The following NUMB variants were observed in gnomAD, a reference collection of about 807,000 sequenced individuals.
NUMB encodes the protein protein numb homolog.
A neutral mutation model predicts 59.7 loss-of-function variants in NUMB; 29 were observed. The observed-to-expected ratio is 0.49, with a 90% CI of 0.36 to 0.66. The LOEUF (loss-of-function observed/expected upper bound fraction) is 0.66, where lower values mean the gene tolerates loss of function less well. Among genes scored for constraint, NUMB ranks in the 30% least tolerant of loss-of-function variants. The pLI is 0.00. For synonymous variants in NUMB, 288 were observed against 288.2 expected, an observed-to-expected ratio of 1.00 and a Z score of 0.01; for missense variants, 723 against 822.0, an observed-to-expected ratio of 0.88 and a Z score of 1.47.
At chr14:73,454,923 C>T (rs982083614) in intron 1 of NUMB, among the ~76,000 whole-genome samples, 2 of 152,148 alleles carry the variant, frequency 1.3e-5, no homozygotes, top group African/African-American at 2.4e-5. Context: ...TGTACCATGA[C>T]TTCAACAACA....
At chr14:73,406,124 T>C (rs1008029887) in intron 2 of NUMB, among the ~76,000 whole-genome samples, 4 of 151,826 alleles carry the variant, frequency 2.6e-5, no homozygotes, top group African/African-American at 9.7e-5. Context: ...CTTTAAGTTC[T>C]AGGGTACATG....
chr14:73,409,100 A>G (rs1281938007), intron 2 of NUMB: 1 of 152,150 alleles, frequency 6.6e-6, no homozygotes, highest in Non-Finnish European at 1.5e-5. Context: ...TGTGGCAGAT[A>G]TTATCCAAAG....
chr14:73,370,128 G>T (rs544901450), intron 2 of NUMB, among the ~76,000 whole-genome samples: 7 of 152,116 alleles, frequency 4.6e-5, no homozygotes, highest in Non-Finnish European at 8.8e-5. Context: ...ATGGTAGTGG[G>T]GGGGGTGGGA....
intron 8 of NUMB, among the ~76,000 whole-genome samples, chr14:73,289,193 C>T (rs1889228164): frequency 6.8e-6 from 1 of 146,142 alleles, no homozygotes; most frequent in Non-Finnish European, 1.6e-5. Context: ...ACTCTACCTC[C>T]CAACCAAACA....
intron 2 of NUMB, among the ~76,000 whole-genome samples, chr14:73,389,325 C>T (rs1474661882): frequency 7.3e-6 from 1 of 137,036 alleles, no homozygotes; most frequent in Admixed American, 7.4e-5. Flanking sequence ...CTGTTTTATA[C>T]ATATCTTCTC....
In NUMB at chr14:73,352,515, TATATATATATA is replaced by T. The variant is rs1566756376; in HGVS notation, c.126+3100_126+3110del. 7.8e-4 allele frequency among the ~76,000 whole-genome samples: 19 copies of T among 24,338 alleles called. 2 individuals are homozygous for T. The highest frequency in any genetic ancestry group is 1.2e-3 in the Non-Finnish European group (16 of 13,094). The allele number at this position is 24,338 out of a possible 152,430, so 16.0% of individuals were successfully genotyped here. A position where few individuals can be genotyped will look rare whatever the true frequency, so the allele number is the denominator to read the frequency against. On this transcript the variant is annotated intron_variant, in intron 4 of 12. Coordinates refer to ENST00000555238, the MANE Select transcript of NUMB (RefSeq NM_001005743.2). ...ATATATATATATATATATATATATA[TATATATATATA>T]TATGTTTTTTTTTTTTTTTTTTTTT...
At chr14:73,375,095 C>T (rs935451554) in intron 2 of NUMB, among the ~76,000 whole-genome samples, 7 of 152,046 alleles carry the variant, frequency 4.6e-5, no homozygotes, top group African/African-American at 1.7e-4. Flanking sequence ...TCAGCCTGGC[C>T]TATATTAACT....
intron 1 of NUMB, among the ~76,000 whole-genome samples, chr14:73,410,485 T>C (rs1044154824): frequency 6.6e-6 from 1 of 152,198 alleles, no homozygotes; most frequent in Admixed American, 6.5e-5. Context: ...ATTGATTTTA[T>C]CATCTCTAAA....
At chr14:73,295,582 A>G (rs1471933079) in intron 7 of NUMB, among the ~76,000 whole-genome samples, 20 of 152,224 alleles carry the variant, frequency 1.3e-4, no homozygotes, top group African/African-American at 1.7e-4. Flanking sequence ...AAAGTATGCA[A>G]TGTAATAAGG....
intron 2 of NUMB, among the ~76,000 whole-genome samples, chr14:73,402,144 G>A (rs1301774537): frequency 2.0e-5 from 3 of 152,188 alleles, no homozygotes; most frequent in Non-Finnish European, 2.9e-5. Context: ...AGGATTACAG[G>A]AGTGAGCCAC....
At chr14:73,432,136 C>A (rs921291149) in intron 1 of NUMB, among the ~76,000 whole-genome samples, 1 of 151,964 alleles carries the variant, frequency 6.6e-6, no homozygotes, top group African/African-American at 2.4e-5. Flanking sequence ...AATCAAATCT[C>A]CAAAGAGTAT....
At chr14:73,396,895 G>A (rs1206948658) in intron 2 of NUMB, among the ~76,000 whole-genome samples, 2 of 152,074 alleles carry the variant, frequency 1.3e-5, no homozygotes, top group Admixed American at 1.3e-4. Context: ...GGCTGAGTTG[G>A]GCAGATCACT....
chr14:73,293,505 C>G (rs1889546630), intron 7 of NUMB, among the ~76,000 whole-genome samples: 1 of 151,352 alleles, frequency 6.6e-6, no homozygotes, highest in African/African-American at 2.4e-5. Context: ...AATTCTCCTG[C>G]CTCAGCCTCC....
At chr14:73,326,732 G>A (rs778652623) in intron 4 of NUMB, among the ~76,000 whole-genome samples, 2 of 152,150 alleles carry the variant, frequency 1.3e-5, no homozygotes, top group African/African-American at 2.4e-5. Flanking sequence ...TGGACTGACT[G>A]GCATAGGAAA....
rs1379204384 is a variant in NUMB, at chr14:73,275,397, T to C, written c.*1181A>G. 6.6e-6 allele frequency: 1 copy of C among 152,102 alleles called. No individual in the cohort carries two copies. Among genetic ancestry groups the C allele is most frequent in the East Asian group, 1.9e-4 (1 of 5,178 alleles). The allele number at this position is 152,102 out of a possible 1,614,324, so 9.4% of individuals were successfully genotyped here. ...GGGGATGTTCTCACCAAAAGGGGGT[T>C]TGGGGGAAGAGGACACACACAAAGC... On this transcript the variant is annotated 3_prime_UTR_variant, in exon 13 of 13. Coordinates refer to ENST00000555238, the MANE Select transcript of NUMB (RefSeq NM_001005743.2).
intron 1 of NUMB, among the ~76,000 whole-genome samples, chr14:73,448,550 A>G (rs1333892368): frequency 6.6e-6 from 1 of 152,148 alleles, no homozygotes; most frequent in Admixed American, 6.6e-5. Context: ...ATCCTTATCT[A>G]AGGAAGATAC....
At chr14:73,368,226 A>G (rs1299286665) in intron 2 of NUMB, among the ~76,000 whole-genome samples, 2 of 152,174 alleles carry the variant, frequency 1.3e-5, no homozygotes, top group African/African-American at 4.8e-5. Context: ...TATTTGATGT[A>G]CAAAGAAAAT....
At chr14:73,293,681 G>C (rs1307656434) in intron 7 of NUMB, among the ~76,000 whole-genome samples, 3 of 152,150 alleles carry the variant, frequency 2.0e-5, no homozygotes, top group Non-Finnish European at 4.4e-5. Flanking sequence ...ACGAGCCACC[G>C]TGCCCAGCCA....
At chr14:73,423,978 A>G (rs945824374) in intron 1 of NUMB, among the ~76,000 whole-genome samples, 8 of 151,690 alleles carry the variant, frequency 5.3e-5, no homozygotes, top group Admixed American at 6.6e-5. Flanking sequence ...AAAAAAAAAA[A>G]AAAAAAAAAA....
Sources: gnomAD v4.1 joint callset for allele counts (sites outside exome capture counted in the v4.1 genomes callset) on GRCh38, gnomAD v4.1.1 for gene constraint, MANE v1.5 for transcripts, NCBI Gene and HGNC (gene_info 2026-07-23, HGNC 2026-07-21) for gene names.